Variants in WWC2 observed in about 807,000 individuals in gnomAD.
WWC2 encodes protein WWC2.
A neutral mutation model predicts 138.5 loss-of-function variants in WWC2; 101 were observed. The ratio of observed to expected loss-of-function variants is 0.73; its 90% CI spans 0.62 to 0.86. The LOEUF (loss-of-function observed/expected upper bound fraction) is 0.86, where lower values mean the gene tolerates loss of function less well. Ranked by LOEUF, WWC2 falls within the 40% of genes least tolerant of loss-of-function variation. The pLI is 0.00. For missense variants in WWC2, 1,420 were observed against 1,419.4 expected, an observed-to-expected ratio of 1.00 and a Z score of -0.01; for synonymous variants, 558 against 538.4, an observed-to-expected ratio of 1.04 and a Z score of -0.50.
At chr4:183,273,806 G>A (rs1393138341) in intron 16 of WWC2, among the ~76,000 whole-genome samples, 1 of 152,052 alleles carries the variant, frequency 6.6e-6, no homozygotes, top group Admixed American at 6.5e-5. Flanking sequence ...TGTGCTTTTG[G>A]TATCATAGCT....
chr4:183,132,299 T>A (rs963546775), intron 1 of WWC2, among the ~76,000 whole-genome samples: 1 of 152,190 alleles, frequency 6.6e-6, no homozygotes, highest in African/African-American at 2.4e-5. Context: ...AGCATCTTTG[T>A]CTTGTTCTAA....
intron 4 of WWC2, among the ~76,000 whole-genome samples, chr4:183,220,593 G>A (rs1405230924): frequency 6.6e-6 from 1 of 151,512 alleles, no homozygotes; most frequent in Non-Finnish European, 1.5e-5. Context: ...CCAGCACTTT[G>A]GGAGGTCAAG....
At chr4:183,221,547 A>G (rs760938375) in intron 4 of WWC2, among the ~76,000 whole-genome samples, 3 of 152,348 alleles carry the variant, frequency 2.0e-5, no homozygotes, top group Non-Finnish European at 4.4e-5. Context: ...ACTCAAATGC[A>G]TAGAGTATAA....
At chr4:183,183,881 A>C (rs1734716410) in intron 1 of WWC2, among the ~76,000 whole-genome samples, 1 of 151,866 alleles carries the variant, frequency 6.6e-6, no homozygotes, top group African/African-American at 2.4e-5. Context: ...ATTATTAGTG[A>C]TGTTTAACAT....
intron 4 of WWC2, among the ~76,000 whole-genome samples, chr4:183,233,148 CTTTTTTTTTT>C (rs543576361): frequency 5.9e-5 from 5 of 84,810 alleles, no homozygotes; most frequent in Admixed American, 1.2e-4. Context: ...CTTTTTAAAC[CTTTTTTTTTT>C]TTTTTTTTTT....
At chr4:183,273,025 C>G (rs1007592563) in intron 16 of WWC2, among the ~76,000 whole-genome samples, 1 of 152,096 alleles carries the variant, frequency 6.6e-6, no homozygotes, top group African/African-American at 2.4e-5. Context: ...GAGGAACAGC[C>G]AAACTGTTCC....
chr4:183,316,712 T>C lies in WWC2; in HGVS notation c.*983T>C, dbSNP rs961296579. On this transcript the variant is annotated 3_prime_UTR_variant, in exon 23 of 23. Coordinates refer to ENST00000403733, the MANE Select transcript of WWC2 (RefSeq NM_024949.6). The stretch of plus-strand genomic sequence containing the variant: ...GAAAGATGTCTTGATAGAATCAAAG[T>C]TGCCAAAAACAAAGAAGAGTTTATC... 6.6e-6 allele frequency: 1 copy of C among 152,194 alleles called. No homozygotes were observed. Among genetic ancestry groups the C allele is most frequent in the African/African-American group, 2.4e-5 (1 of 41,440 alleles). 9.4% of individuals were successfully genotyped at this position (152,194 alleles called of 1,614,324 possible).
chr4:183,268,957 C>A lies in WWC2; in HGVS notation c.2208-14C>A. The A allele has an allele frequency of 6.2e-7, 1 of 1,602,524 alleles. No homozygotes were observed. Among genetic ancestry groups the A allele is most frequent in the Non-Finnish European group, 8.5e-7 (1 of 1,175,306 alleles). ...AAGTACCTATGAAATCCATTTTATT[C>A]TTGTTCTTTGCAGATATTTTAGGGT... On this transcript the variant is annotated splice_polypyrimidine_tract_variant and intron_variant, in intron 14 of 22. Transcript: ENST00000403733.
chr4:183,179,923 G>A (rs1394772404), intron 1 of WWC2, among the ~76,000 whole-genome samples: 2 of 152,138 alleles, frequency 1.3e-5, no homozygotes, highest in Admixed American at 1.3e-4. Flanking sequence ...GAACAGAGAA[G>A]TCAACTAAAA....
At chr4:183,185,513 T>A (rs1287847834) in intron 1 of WWC2, among the ~76,000 whole-genome samples, 2 of 152,250 alleles carry the variant, frequency 1.3e-5, no homozygotes, top group African/African-American at 2.4e-5. Context: ...CTGAAGTAAT[T>A]TAAGAGGCAC....
intron 21 of WWC2, among the ~76,000 whole-genome samples, chr4:183,300,506 C>T (rs1406944550): frequency 7.2e-6 from 1 of 139,738 alleles, no homozygotes; most frequent in Non-Finnish European, 1.6e-5. Flanking sequence ...TATTAATACA[C>T]TGCATTCAAA....
intron 21 of WWC2, 45 bp from the exon 22 acceptor site, chr4:183,312,296 A>T (rs544355477): frequency 3.7e-6 from 6 of 1,601,214 alleles, no homozygotes; most frequent in South Asian, 1.1e-5. Context: ...AGGGATTTCT[A>T]ATCAGTGTTT....
In WWC2 at chr4:183,139,136, A is replaced by C. The variant is rs1244640609; in HGVS notation, c.131+39514A>C. Among the ~76,000 whole-genome samples the C allele has an allele frequency of 3.3e-5, 5 of 152,354 alleles. No individual in the cohort carries two copies. The East Asian group carries it at 9.6e-4, about 29-fold the overall frequency. On this transcript the variant is annotated intron_variant, in intron 1 of 22. Transcript: ENST00000403733. ...CAGCTGCTTTGTAGCCCCAGACTGC[A>C]GGATCACAGTGGTAACTCTTTTGCC... is the stretch of plus-strand genomic sequence containing the variant.
chr4:183,306,088 C>T (rs1014237832), intron 21 of WWC2, among the ~76,000 whole-genome samples: 7 of 152,070 alleles, frequency 4.6e-5, no homozygotes, highest in African/African-American at 1.7e-4. Flanking sequence ...ATAATACAAA[C>T]TCCAGAGCAA....
At chr4:183,297,980 C>T (rs1300079185) in intron 21 of WWC2, among the ~76,000 whole-genome samples, 1 of 152,240 alleles carries the variant, frequency 6.6e-6, no homozygotes. Context: ...AGAGAAGGGA[C>T]ATAAGGGGAG....
At chr4:183,253,508 A>G (rs1169191791) in intron 8 of WWC2, among the ~76,000 whole-genome samples, 4 of 152,078 alleles carry the variant, frequency 2.6e-5, no homozygotes, top group African/African-American at 9.7e-5. Context: ...GTAGCTGGGT[A>G]TGCTCACTCA....
rs111430972 is a variant in WWC2 at position 183,248,600 on chromosome 4, A to G, written c.733-114A>G. ...TATAAAATGGTAAGTACCTACTAAA[A>G]TAAAGTTGTTTTTTTCCATTGAGAT... On this transcript the variant is annotated intron_variant, in intron 6 of 22. Coordinates refer to ENST00000403733, the MANE Select transcript of WWC2 (RefSeq NM_024949.6). 87 of 1,138,914 alleles carry G rather than the reference A, an allele frequency of 7.6e-5. No homozygotes were observed. The African/African-American group carries it at 9.9e-4, about 13-fold the overall frequency. 70.6% of individuals were successfully genotyped at this position (1,138,914 alleles called of 1,614,324 possible). A position where few individuals can be genotyped will look rare whatever the true frequency, so the allele number is the denominator to read the frequency against.
At chr4:183,198,789 TAAAAAA>T (rs56182831) in intron 2 of WWC2, among the ~76,000 whole-genome samples, 7 of 72,330 alleles carry the variant, frequency 9.7e-5, no homozygotes, top group African/African-American at 1.2e-4. Flanking sequence ...CTCGTCTCTT[TAAAAAA>T]AAAAAAAAAA....
chr4:183,157,405 T>C (rs1733835940), intron 1 of WWC2, among the ~76,000 whole-genome samples: 1 of 152,252 alleles, frequency 6.6e-6, no homozygotes, highest in Non-Finnish European at 1.5e-5. Flanking sequence ...TGTTGAGGGA[T>C]GTCTGCCAGG....
Sources: gnomAD v4.1 joint callset for allele counts (sites outside exome capture counted in the v4.1 genomes callset) on GRCh38, gnomAD v4.1.1 for gene constraint, MANE v1.5 for transcripts, NCBI Gene and HGNC (gene_info 2026-07-23, HGNC 2026-07-21) for gene names.